The following UST variants were observed in gnomAD, a reference collection of about 807,000 sequenced individuals.
The protein encoded by UST is uronyl 2-sulfotransferase, also known as chondroitin sulfate 2-O-sulfotransferase.
A neutral mutation model predicts 45.6 loss-of-function variants in UST; 21 were observed. The observed-to-expected ratio is 0.46, with a 90% CI of 0.33 to 0.66. The LOEUF (loss-of-function observed/expected upper bound fraction) is 0.66, where lower values mean the gene tolerates loss of function less well. Ranked by LOEUF, UST falls within the 30% of genes least tolerant of loss-of-function variation. UST has a pLI of 0.02. For missense variants in UST, 463 were observed against 512.4 expected (o/e 0.90, Z 0.93); for synonymous variants, 215 against 200.6 (o/e 1.07, Z -0.61).
intron 5 of UST, among the ~76,000 whole-genome samples, chr6:148,975,262 C>A (rs909453016): frequency 2.6e-5 from 4 of 152,144 alleles, no homozygotes; most frequent in Non-Finnish European, 5.9e-5. Context: ...TATTTCATGT[C>A]TGTAAGTCTT....
chr6:149,066,424 G>C lies in UST; in HGVS notation c.938-7409G>C, dbSNP rs144884288. ...GTTTTGATGGCAAGGAGCCAGTTGA[G>C]AGGGAGAGGTTGACAATGAAGAAGA... On this transcript the variant is annotated intron_variant, in intron 7 of 7. Coordinates refer to ENST00000367463, the MANE Select transcript of UST (RefSeq NM_005715.3). Among the ~76,000 whole-genome samples, 366 of 152,256 alleles carry C rather than the reference G, an allele frequency of 2.4e-3. 3 individuals carry two copies. The highest frequency in any genetic ancestry group is 0.02 in the Admixed American group (313 of 15,282).
chr6:149,044,803 T>G (rs1776375227), intron 7 of UST, among the ~76,000 whole-genome samples: 1 of 152,194 alleles, frequency 6.6e-6, no homozygotes, highest in South Asian at 2.1e-4. Context: ...TCTAATGTTT[T>G]GGGCACAAAT....
chr6:148,921,318 C>T (rs182672511), intron 2 of UST, among the ~76,000 whole-genome samples: 133 of 152,316 alleles, frequency 8.7e-4, no homozygotes, highest in Middle Eastern at 3.4e-3. Flanking sequence ...AAGCTCTGTA[C>T]TAATAATTGT....
intron 2 of UST, among the ~76,000 whole-genome samples, chr6:148,921,539 CTCTG>C (rs1417672476): frequency 1.3e-5 from 2 of 152,180 alleles, no homozygotes; most frequent in Non-Finnish European, 2.9e-5. Context: ...TCCAGGGACT[CTCTG>C]TCTGGCAGCC....
At chr6:148,956,489 A>G (rs1282685681) in intron 4 of UST, among the ~76,000 whole-genome samples, 2 of 152,224 alleles carry the variant, frequency 1.3e-5, no homozygotes, top group African/African-American at 4.8e-5. Context: ...CCATGATTCA[A>G]ATTATCTCCC....
At chr6:148,888,842 T>A (rs1778958924) in intron 2 of UST, among the ~76,000 whole-genome samples, 2 of 152,186 alleles carry the variant, frequency 1.3e-5, no homozygotes, top group East Asian at 3.8e-4. Context: ...AAATAGCCTC[T>A]ATTCTAGAGG....
chr6:148,809,663 A>G lies in UST; in HGVS notation c.247+61986A>G, dbSNP rs187409772. Among the ~76,000 whole-genome samples, 250 of 152,230 alleles carry G rather than the reference A, an allele frequency of 1.6e-3. 3 individuals are homozygous for G. The highest frequency in any genetic ancestry group is 5.7e-3 in the African/African-American group (238 of 41,540). On this transcript the variant is annotated intron_variant, in intron 1 of 7. Coordinates refer to ENST00000367463, the MANE Select transcript of UST (RefSeq NM_005715.3). ...AGGTATCATTGTTTATAGCAGTCCT[A>G]CGTTTTCAGATTATCTCAACCTGCT... is the stretch of plus-strand genomic sequence containing the variant.
chr6:148,838,157 G>C (rs117284490), intron 1 of UST, among the ~76,000 whole-genome samples: 3,740 of 152,332 alleles, frequency 0.025, 76 homozygotes, highest in Middle Eastern at 0.044. Context: ...AGGTGACCAG[G>C]TCAGGCCACT....
At chr6:148,769,461 G>A (rs1444889943) in intron 1 of UST, among the ~76,000 whole-genome samples, 2 of 152,236 alleles carry the variant, frequency 1.3e-5, no homozygotes, top group African/African-American at 4.8e-5. Flanking sequence ...CAAATCAGAA[G>A]TCTTCTGTTT....
rs1449754454 is a variant in UST, at chr6:148,796,622, T to TAAAAAA, written c.247+48945_247+48946insAAAAAA. On this transcript the variant is annotated intron_variant, in intron 1 of 7. Coordinates refer to ENST00000367463, the MANE Select transcript of UST (RefSeq NM_005715.3). ...CTGGACGACAGGGCAAGACTCTGTC[T>TAAAAAA]CAAAAAAAAAAAAAAAAAAAAAAAA... 7.0e-3 allele frequency among the ~76,000 whole-genome samples: 310 copies of TAAAAAA among 44,338 alleles called. 23 individuals carry two copies. Among genetic ancestry groups the TAAAAAA allele is most frequent in the East Asian group, 0.018 (21 of 1,186 alleles). 29.1% of individuals were successfully genotyped at this position (44,338 alleles called of 152,430 possible).
At chr6:149,036,980 TATC>T (rs1268771921) in intron 7 of UST, among the ~76,000 whole-genome samples, 1 of 152,156 alleles carries the variant, frequency 6.6e-6, no homozygotes, top group Admixed American at 6.5e-5. Context: ...CATTTAAAGG[TATC>T]ATTCCACATA....
intron 1 of UST, among the ~76,000 whole-genome samples, chr6:148,874,059 TGCGTTA>T (rs1455847625): frequency 6.6e-6 from 1 of 152,256 alleles, no homozygotes; most frequent in Non-Finnish European, 1.5e-5. Flanking sequence ...CTGGGGCTGC[TGCGTTA>T]GCAGGTGTGT....
intron 2 of UST, among the ~76,000 whole-genome samples, chr6:148,890,223 G>T (rs1778988146): frequency 6.6e-6 from 1 of 152,128 alleles, no homozygotes; most frequent in Admixed American, 6.5e-5. Context: ...CGTTCTTATT[G>T]CTTCTGGCAG....
intron 5 of UST, among the ~76,000 whole-genome samples, chr6:148,992,300 C>T (rs528027378): frequency 6.6e-6 from 1 of 152,162 alleles, no homozygotes; most frequent in Admixed American, 6.5e-5. Context: ...GTCAGGAGAT[C>T]GAGACCATCC....
Position 148,844,029 on chromosome 6 carries a change from A to G in UST, c.248-42957A>G, listed in dbSNP as rs955261998. Among the ~76,000 whole-genome samples, 6 of 152,326 alleles carry G rather than the reference A, an allele frequency of 3.9e-5. No homozygotes were observed. The East Asian group carries it at 1.2e-3, about 29-fold the overall frequency. ...CTCTCCACCCTTTCGTTCACCTGGTAAAATACTATTTCAAGGACTAATTTA... is the reference window on the plus strand; with the variant it reads ...CTCTCCACCCTTTCGTTCACCTGGTGAAATACTATTTCAAGGACTAATTTA... On this transcript the variant is annotated intron_variant, in intron 1 of 7. Transcript: ENST00000367463.
Position 148,902,932 on chromosome 6 carries a change from A to C in UST, c.291+15903A>C, listed in dbSNP as rs114773520. 8.9e-3 allele frequency among the ~76,000 whole-genome samples: 1,348 copies of C among 152,254 alleles called. 28 individuals are homozygous for C. Among genetic ancestry groups the C allele is most frequent in the African/African-American group, 0.031 (1,283 of 41,554 alleles). Reference sequence around the variant, plus strand: ...TTGTTCTCTGAATGTTCCTTATTATAACATTCTTTGGTTCCATACGGGGTC... The same window carrying C: ...TTGTTCTCTGAATGTTCCTTATTATCACATTCTTTGGTTCCATACGGGGTC... On this transcript the variant is annotated intron_variant, in intron 2 of 7. Transcript: ENST00000367463.
At chr6:148,961,222 C>T (rs1012282426) in intron 4 of UST, among the ~76,000 whole-genome samples, 16 of 152,092 alleles carry the variant, frequency 1.1e-4, no homozygotes, top group African/African-American at 3.9e-4. Context: ...CAACAAATGT[C>T]GAAGAAATTG....
rs142935837 is a variant in UST, at chr6:148,908,040, C to T, written c.291+21011C>T. ...TCTCCTACCTCAGCCTCCCGAGTAG[C>T]TGGGATTACAGGTGCCTGCCACCAT... On this transcript the variant is annotated intron_variant, in intron 2 of 7. Transcript: ENST00000367463. 4.9e-3 allele frequency among the ~76,000 whole-genome samples: 739 copies of T among 151,180 alleles called. 6 individuals carry two copies. Among genetic ancestry groups the T allele is most frequent in the African/African-American group, 0.017 (694 of 41,246 alleles).
chr6:149,069,556 C>T (rs927750654), intron 7 of UST, among the ~76,000 whole-genome samples: 4 of 152,076 alleles, frequency 2.6e-5, no homozygotes, highest in Non-Finnish European at 2.9e-5. Flanking sequence ...AATGTCTATT[C>T]GGAAGGATAT....
Sources: gnomAD v4.1 joint callset for allele counts (sites outside exome capture counted in the v4.1 genomes callset) on GRCh38, gnomAD v4.1.1 for gene constraint, MANE v1.5 for transcripts, NCBI Gene and HGNC (gene_info 2026-07-23, HGNC 2026-07-21) for gene names.